The following LRRC7 variants were observed in gnomAD, a reference collection of about 807,000 sequenced individuals.
The protein encoded by LRRC7 is leucine-rich repeat-containing protein 7.
A neutral mutation model predicts 175.7 loss-of-function variants in LRRC7; 23 were observed. That is an observed-to-expected ratio of 0.13 (90% CI 0.09 to 0.19). The LOEUF is 0.19. LRRC7 is among the 10% of genes least tolerant of loss of function. The pLI is 1.00. For missense variants in LRRC7, 1,354 were observed against 1,904.7 expected, an observed-to-expected ratio of 0.71 and a Z score of 5.38; for synonymous variants, 685 against 680.9, an observed-to-expected ratio of 1.01 and a Z score of -0.09.
chr1:70,052,480 A>C (rs184594232), intron 22 of LRRC7, among the ~76,000 whole-genome samples: 19 of 151,964 alleles, frequency 1.3e-4, no homozygotes, highest in African/African-American at 4.1e-4. Flanking sequence ...TGTCCCCCCA[A>C]AGCTATTTGT....
At chr1:70,060,546 A>G (rs968711295) in intron 23 of LRRC7, among the ~76,000 whole-genome samples, 3 of 152,126 alleles carry the variant, frequency 2.0e-5, no homozygotes, top group African/African-American at 4.8e-5. Flanking sequence ...ATTTAAATAG[A>G]AATAGAAGAA....
rs981469766 is a variant in LRRC7, at chr1:70,138,410, G to T, written c.*16523G>T. ...ACAGACATCATTATTCTACTTAAAA[G>T]TCTTTTTTTAAAATTCCAAATACTT... On this transcript the variant is annotated 3_prime_UTR_variant, in exon 27 of 27. Coordinates refer to ENST00000651989, the MANE Select transcript of LRRC7 (RefSeq NM_001370785.2). 1.3e-5 allele frequency: 2 copies of T among 152,076 alleles called. No individual in the cohort carries two copies. The highest frequency in any genetic ancestry group is 1.3e-4 in the Admixed American group (2 of 15,258). The allele number at this position is 152,076 out of a possible 1,614,324, so 9.4% of individuals were successfully genotyped here. A position where few individuals can be genotyped will look rare whatever the true frequency, so the allele number is the denominator to read the frequency against.
intron 1 of LRRC7, among the ~76,000 whole-genome samples, chr1:69,573,339 T>TCC (rs1645815001): frequency 3.3e-5 from 5 of 152,142 alleles, no homozygotes; most frequent in Non-Finnish European, 7.4e-5. Flanking sequence ...TTATGGAAGT[T>TCC]TTTCCTGGTG....
At chr1:70,032,630 A>G (rs146872637) in intron 18 of LRRC7, among the ~76,000 whole-genome samples, 27 of 152,134 alleles carry the variant, frequency 1.8e-4, no homozygotes, top group African/African-American at 3.6e-4. Context: ...ACTCAGCCCA[A>G]TTTTTTTCTA....
At position 70,038,830 on chromosome 1, in the gene LRRC7, A is replaced by G; in HGVS notation, c.3006A>G (p.Pro1002=). The G allele has an allele frequency of 6.2e-7, 1 of 1,614,106 alleles. No individual in the cohort carries two copies. Among genetic ancestry groups the G allele is most frequent in the South Asian group, 1.1e-5 (1 of 91,080 alleles). Residue 1002 remains proline (P), a synonymous_variant, in exon 21 of 27, where the codon CCA becomes CCG. Coordinates refer to ENST00000651989, the MANE Select transcript of LRRC7 (RefSeq NM_001370785.2). The part of the protein sequence containing the change: ...DIGTYKVYNI[P]LENYASGSDH... Reference sequence around the variant, plus strand: ...GTACATATAAGGTGTATAACATACCATTAGAAAACTATGCTTCTGGGAGTG... The same window carrying G: ...GTACATATAAGGTGTATAACATACCGTTAGAAAACTATGCTTCTGGGAGTG...
At chr1:69,863,767 A>C (rs377088995) in intron 7 of LRRC7, among the ~76,000 whole-genome samples, 1 of 152,138 alleles carries the variant, frequency 6.6e-6, no homozygotes, top group African/African-American at 2.4e-5. Flanking sequence ...GTTAAAATCA[A>C]CTGTTTCTCT....
chr1:69,757,989 A>G (rs897989975), intron 2 of LRRC7, among the ~76,000 whole-genome samples: 1 of 151,852 alleles, frequency 6.6e-6, no homozygotes, highest in South Asian at 2.1e-4. Context: ...TATCTTCCCA[A>G]TCCATCACTT....
rs2102029376 is a variant in LRRC7, at chr1:70,039,436, G to T, written c.3612G>T (p.Leu1204=). The T allele has an allele frequency of 6.2e-7, 1 of 1,614,160 alleles. No individual in the cohort carries two copies. Among genetic ancestry groups the T allele is most frequent in the Non-Finnish European group, 8.5e-7 (1 of 1,180,016 alleles). Residue 1204 remains leucine, a synonymous_variant, in exon 21 of 27, where the codon CTG becomes CTT. Coordinates refer to ENST00000651989, the MANE Select transcript of LRRC7 (RefSeq NM_001370785.2). ...SSVTVTESQF[L]KRNGRYEDEH... is the part of the protein sequence containing the mutation. The stretch of plus-strand genomic sequence containing the variant: ...TTACAGTGACTGAGTCCCAGTTCCT[G>T]AAAAGGAATGGCAGGTATGAAGATG...
chr1:69,615,779 T>C (rs1190630544), intron 1 of LRRC7, among the ~76,000 whole-genome samples: 1 of 152,036 alleles, frequency 6.6e-6, no homozygotes. Context: ...AAATCACTAC[T>C]TTAGCATAAT....
intron 3 of LRRC7, among the ~76,000 whole-genome samples, chr1:69,774,321 G>A (rs576274596): frequency 6.6e-6 from 1 of 152,226 alleles, no homozygotes; most frequent in East Asian, 1.9e-4. Flanking sequence ...CTTGACATTT[G>A]ACAGAGCTTT....
intron 1 of LRRC7, among the ~76,000 whole-genome samples, chr1:69,641,683 GA>G (rs1654232924): frequency 6.6e-6 from 1 of 151,288 alleles, no homozygotes; most frequent in African/African-American, 2.4e-5. Flanking sequence ...ACTAGAAGCT[GA>G]AAAATTAATA....
intron 8 of LRRC7, among the ~76,000 whole-genome samples, chr1:69,945,508 G>T (rs1649211717): frequency 6.6e-6 from 1 of 151,950 alleles, no homozygotes; most frequent in South Asian, 2.1e-4. Context: ...TTTCATGCTT[G>T]TTTTAGAATC....
intron 7 of LRRC7, among the ~76,000 whole-genome samples, chr1:69,929,886 C>G (rs936260921): frequency 6.6e-6 from 1 of 152,076 alleles, no homozygotes; most frequent in Non-Finnish European, 1.5e-5. Flanking sequence ...TTCTACTCCT[C>G]CCTCTCTCTC....
intron 7 of LRRC7, among the ~76,000 whole-genome samples, chr1:69,907,132 G>T (rs1238686468): frequency 1.3e-5 from 2 of 152,152 alleles, no homozygotes; most frequent in South Asian, 2.1e-4. Context: ...CTTTGCTGAA[G>T]TTGCTTCTCA....
intron 7 of LRRC7, among the ~76,000 whole-genome samples, chr1:69,896,822 G>A (rs1197576412): frequency 2.0e-5 from 3 of 152,116 alleles, no homozygotes; most frequent in East Asian, 1.9e-4. Flanking sequence ...TTGGTACAGA[G>A]TAGATATTCC....
chr1:69,661,553 A>G (rs1657481248), intron 1 of LRRC7, among the ~76,000 whole-genome samples: 1 of 152,164 alleles, frequency 6.6e-6, no homozygotes, highest in South Asian at 2.1e-4. Flanking sequence ...AGTGGTCAGC[A>G]CCATCTGCAA....
chr1:70,009,082 G>C (rs1322812073), intron 11 of LRRC7, among the ~76,000 whole-genome samples: 1 of 152,062 alleles, frequency 6.6e-6, no homozygotes, highest in Non-Finnish European at 1.5e-5. Flanking sequence ...CCAAGACCAA[G>C]ACTAACTTCA....
rs922007955 is a variant in LRRC7, at chr1:70,037,682, A to G, written c.2289-431A>G. Reference sequence around the variant, plus strand: ...AGGAATGGGTATCAGGAATCATATGATTCTAATTATCAGTCAGGTTTCAAG... The same window carrying G: ...AGGAATGGGTATCAGGAATCATATGGTTCTAATTATCAGTCAGGTTTCAAG... On this transcript the variant is annotated intron_variant, in intron 20 of 26. Transcript: ENST00000651989. Among the ~76,000 whole-genome samples the G allele has an allele frequency of 4.6e-5, 7 of 152,318 alleles. No homozygotes were observed. In the South Asian group the frequency reaches 1.4e-3, roughly 32 times the overall value.
chr1:70,058,265 T>TC (rs1661303970), intron 23 of LRRC7, among the ~76,000 whole-genome samples: 1 of 152,106 alleles, frequency 6.6e-6, no homozygotes, highest in Middle Eastern at 3.2e-3. Flanking sequence ...CCACCTCAGC[T>TC]TCCCAAAGTG....
Sources: allele counts gnomAD v4.1 joint callset (sites outside exome capture counted in the v4.1 genomes callset), GRCh38; gene constraint gnomAD v4.1.1; transcripts MANE v1.5; gene names NCBI Gene and HGNC (gene_info 2026-07-23, HGNC 2026-07-21).